ANKRD52: variants seen among roughly 807,000 people sequenced by gnomAD.
ANKRD52 encodes the protein serine/threonine-protein phosphatase 6 regulatory ankyrin repeat subunit C.
Under a neutral mutation model 116.0 loss-of-function variants are expected in ANKRD52, and 7 were observed. The observed-to-expected ratio is 0.06, with a 90% CI of 0.03 to 0.11. ANKRD52 has a LOEUF of 0.11. Ranked by LOEUF, ANKRD52 falls within the 10% of genes least tolerant of loss-of-function variation. The pLI is 1.00. For synonymous variants in ANKRD52, 528 were observed against 578.1 expected, an observed-to-expected ratio of 0.91 and a Z score of 1.24; for missense variants, 839 against 1,408.6, an observed-to-expected ratio of 0.60 and a Z score of 6.47.
At chr12:56,245,248 C>T in intron 21 of ANKRD52, 58 bp from the exon 22 acceptor site, 2 of 1,606,694 alleles carry the variant, frequency 1.2e-6, no homozygotes, top group South Asian at 1.1e-5. Context: ...CCCTGTCTGT[C>T]CTGTGTCTTG....
rs560799598 is a variant in ANKRD52, at chr12:56,252,102, AAGAG to A, written c.1512-11_1512-8del. Reference sequence around the variant, plus strand: ...AGGTGTATGGGGTTCCGCTCTGGGGAAGAGAGAGAGAAAGTTAGGGCCAGGCTCA... The same window carrying A: ...AGGTGTATGGGGTTCCGCTCTGGGGAAGAGAGAAAGTTAGGGCCAGGCTCA... On this transcript the variant is annotated splice_region_variant and splice_polypyrimidine_tract_variant and intron_variant, in intron 14 of 27. Coordinates refer to ENST00000267116, the MANE Select transcript of ANKRD52 (RefSeq NM_173595.4). This position sits in a 1 kb window ranked among gnomAD's most constrained non-coding sequence, Gnocchi z 4.7. 72 of 1,613,294 alleles carry A rather than the reference AAGAG, an allele frequency of 4.5e-5. No homozygotes were observed. In the East Asian group the frequency reaches 1.5e-3, roughly 33 times the overall value.
At position 56,245,139 on chromosome 12, in the gene ANKRD52, A is replaced by G; in HGVS notation, c.2456T>C (p.Leu819Pro). The G allele has an allele frequency of 1.2e-6, 2 of 1,614,018 alleles. No homozygotes were observed. Among genetic ancestry groups the G allele is most frequent in the Non-Finnish European group, 1.7e-6 (2 of 1,179,894 alleles). ...CAAAGGAGTGAAGGGGTTTCCTTCC[A>G]GGTACGAAAACGGGCTGTGTTCAAG... ...LLLEHSPFSY[L>P]EGNPFTPLHC... is the part of the protein sequence containing the mutation. Residue 819 changes from leucine to proline, a missense_variant, in exon 22 of 28, where the codon CTG becomes CCG. Physicochemically the swap from Leu to Pro is moderately conservative, Grantham distance 98. Transcript: ENST00000267116.
Position 56,252,925 on chromosome 12 carries a change from C to G in ANKRD52, c.1184-28G>C. 1 of 1,609,504 alleles carries G rather than the reference C, an allele frequency of 6.2e-7. No homozygotes were observed. Among genetic ancestry groups the G allele is most frequent in the Non-Finnish European group, 8.5e-7 (1 of 1,177,378 alleles). Reference sequence around the variant, plus strand: ...GGAGGCACAGAACAGCCACAGGTCACATCTGAGAGTGTTCAGCAGGGAGGG... The same window carrying G: ...GGAGGCACAGAACAGCCACAGGTCAGATCTGAGAGTGTTCAGCAGGGAGGG... On this transcript the variant is annotated intron_variant, in intron 11 of 27. Coordinates refer to ENST00000267116, the MANE Select transcript of ANKRD52 (RefSeq NM_173595.4). The surrounding 1 kb of genome is among the most constrained non-coding windows in gnomAD (Gnocchi z 4.7).
intron 20 of ANKRD52, among the ~76,000 whole-genome samples, chr12:56,246,973 T>A (rs201246363): frequency 6.8e-4 from 84 of 122,960 alleles, no homozygotes; most frequent in South Asian, 1.8e-3. Context: ...ATAATAATAA[T>A]AAACAAAGCA....
Position 56,243,997 on chromosome 12 carries a change from T to C in ANKRD52, c.2888+54A>G. On this transcript the variant is annotated intron_variant, in intron 26 of 27. Transcript: ENST00000267116. The surrounding 1 kb of genome is among the most constrained non-coding windows in gnomAD (Gnocchi z 4.6). ...GAGAGCCTCTGAACAGCGGCCACTCTTTCATCACCCACTGGCCTCCCCCAG... is the reference window on the plus strand; with the variant it reads ...GAGAGCCTCTGAACAGCGGCCACTCCTTCATCACCCACTGGCCTCCCCCAG... 6.2e-7 allele frequency: 1 copy of C among 1,606,768 alleles called. No homozygotes were observed. Among genetic ancestry groups the C allele is most frequent in the Non-Finnish European group, 8.5e-7 (1 of 1,174,708 alleles).
Position 56,243,761 on chromosome 12 carries a change from C to A in ANKRD52, c.2980+24G>T. The stretch of plus-strand genomic sequence containing the variant: ...TCCCTGACCCCAAACCCAAGAGAGG[C>A]ATGGGGCCCCAGACCCCACCCACCT... On this transcript the variant is annotated intron_variant, in intron 27 of 27. Coordinates refer to ENST00000267116, the MANE Select transcript of ANKRD52 (RefSeq NM_173595.4). The surrounding 1 kb of genome is among the most constrained non-coding windows in gnomAD (Gnocchi z 4.6). The A allele has an allele frequency of 1.3e-6, 2 of 1,550,226 alleles. No homozygotes were observed. Among genetic ancestry groups the A allele is most frequent in the African/African-American group, 1.4e-5 (1 of 73,078 alleles).
In ANKRD52 at chr12:56,248,985, G is replaced by T; in HGVS notation, c.1593-115C>A. On this transcript the variant is annotated intron_variant, in intron 15 of 27. Transcript: ENST00000267116. This position sits in a 1 kb window ranked among gnomAD's most constrained non-coding sequence, Gnocchi z 5.1. ...CTCCAGGCCTACCTGGCCGCCACCC[G>T]TCCTCAGCTCTAGGTAGGTTCTCTA... The T allele has an allele frequency of 3.0e-6, 2 of 662,844 alleles. No homozygotes were observed. The highest frequency in any genetic ancestry group is 2.6e-6 in the Non-Finnish European group (1 of 391,318). 41.1% of individuals were successfully genotyped at this position (662,844 alleles called of 1,614,324 possible).
In ANKRD52 at chr12:56,243,488, G is replaced by A; in HGVS notation, c.2981-96C>T. 6.8e-7 allele frequency: 1 copy of A among 1,477,164 alleles called. No homozygotes were observed. The highest frequency in any genetic ancestry group is 9.1e-7 in the Non-Finnish European group (1 of 1,103,218). The allele number at this position is 1,477,164 out of a possible 1,614,324, so 91.5% of individuals were successfully genotyped here. A position where few individuals can be genotyped will look rare whatever the true frequency, so the allele number is the denominator to read the frequency against. ...TCTCTTCTCTGTGGAGGGAGCCAAG[G>A]CAGGCAGGTACCCAGCAGCGGCAGA... On this transcript the variant is annotated intron_variant, in intron 27 of 27. Transcript: ENST00000267116. This position sits in a 1 kb window ranked among gnomAD's most constrained non-coding sequence, Gnocchi z 4.6.
rs1871011465 is a variant in ANKRD52 at position 56,238,273 on chromosome 12, G to C, written c.*4869C>G. 1.3e-5 allele frequency: 2 copies of C among 153,404 alleles called. No homozygotes were observed. The highest frequency in any genetic ancestry group is 2.9e-5 in the Non-Finnish European group (2 of 68,942). 9.5% of individuals were successfully genotyped at this position (153,404 alleles called of 1,614,324 possible). On this transcript the variant is annotated 3_prime_UTR_variant, in exon 28 of 28. Coordinates refer to ENST00000267116, the MANE Select transcript of ANKRD52 (RefSeq NM_173595.4). Reference sequence around the variant, plus strand: ...GAGTACATGGGTCACAGGGTGGAGGGTGCAACAGGACATGGAACATGCCCC... The same window carrying C: ...GAGTACATGGGTCACAGGGTGGAGGCTGCAACAGGACATGGAACATGCCCC...
chr12:56,253,905 C>A lies in ANKRD52; in HGVS notation c.907-105G>T. On this transcript the variant is annotated intron_variant, in intron 8 of 27. Coordinates refer to ENST00000267116, the MANE Select transcript of ANKRD52 (RefSeq NM_173595.4). This position sits in a 1 kb window ranked among gnomAD's most constrained non-coding sequence, Gnocchi z 5.5. ...GACATATCTCTAAGGACAAAAGGGTCATATGGCACCTTCTTAGCCCACTCT... is the reference window on the plus strand; with the variant it reads ...GACATATCTCTAAGGACAAAAGGGTAATATGGCACCTTCTTAGCCCACTCT... The A allele has an allele frequency of 7.3e-7, 1 of 1,376,230 alleles. No homozygotes were observed. Among genetic ancestry groups the A allele is most frequent in the South Asian group, 1.2e-5 (1 of 81,566 alleles). The allele number at this position is 1,376,230 out of a possible 1,614,324, so 85.3% of individuals were successfully genotyped here.
intron 4 of ANKRD52, among the ~76,000 whole-genome samples, chr12:56,256,805 T>C (rs1433973949): frequency 1.3e-5 from 2 of 152,154 alleles, no homozygotes; most frequent in East Asian, 3.9e-4. Flanking sequence ...CAGCCCAGTG[T>C]TAAGCTCTTC....
rs1411955178 is a variant in ANKRD52, at chr12:56,237,924, G to A, written c.*5218C>T. On this transcript the variant is annotated 3_prime_UTR_variant, in exon 28 of 28. Transcript: ENST00000267116. Reference sequence around the variant, plus strand: ...GTGGTGGGAGGACCCGAAGCCGGTTGGGGGAGGATGTGAGTAGGGGCCTGG... The same window carrying A: ...GTGGTGGGAGGACCCGAAGCCGGTTAGGGGAGGATGTGAGTAGGGGCCTGG... 3.1e-6 allele frequency: 2 copies of A among 651,518 alleles called. No homozygotes were observed. Among genetic ancestry groups the A allele is most frequent in the Non-Finnish European group, 2.4e-6 (1 of 411,654 alleles). The allele number at this position is 651,518 out of a possible 1,614,324, so 40.4% of individuals were successfully genotyped here.
At position 56,243,838 on chromosome 12, in the gene ANKRD52, A is replaced by G; in HGVS notation, c.2927T>C (p.Val976Ala). The G allele has an allele frequency of 1.3e-6, 2 of 1,567,130 alleles. No homozygotes were observed. Among genetic ancestry groups the G allele is most frequent in the Non-Finnish European group, 1.7e-6 (2 of 1,155,658 alleles). Reference sequence around the variant, plus strand: ...CCCATGACTCAGCAGGGCCTGTACCACAGAAGCTAGACCATTCCGGGCAGC... The same window carrying G: ...CCCATGACTCAGCAGGGCCTGTACCGCAGAAGCTAGACCATTCCGGGCAGC... ...HIAARNGLAS[V>A]VQALLSHGAT... Residue 976 changes from valine (V) to alanine (A), a missense_variant, in exon 27 of 28, where the codon GTG becomes GCG. Around this residue, in one of 2 missense-constraint regions of ANKRD52, gnomAD observed 552 missense variants for 810.6 expected, o/e 0.68. Coordinates refer to ENST00000267116, the MANE Select transcript of ANKRD52 (RefSeq NM_173595.4). This position sits in a 1 kb window ranked among gnomAD's most constrained non-coding sequence, Gnocchi z 4.6.
intron 4 of ANKRD52, 111 bp from the exon 5 acceptor site, chr12:56,256,095 A>C: frequency 9.2e-7 from 1 of 1,090,552 alleles, no homozygotes; most frequent in Admixed American, 2.4e-5. Flanking sequence ...CCAGCACAGA[A>C]TCTCTTCTCA....
Position 56,257,861 on chromosome 12 carries a change from G to A in ANKRD52, c.78C>T (p.Ser26=). The A allele has an allele frequency of 1.2e-6, 2 of 1,613,756 alleles. No homozygotes were observed. Among genetic ancestry groups the A allele is most frequent in the Non-Finnish European group, 1.7e-6 (2 of 1,179,838 alleles). ...IFSRDVEEVR[S]LLSQKENINV... ...TGATGTTCTCCTTCTGCGAGAGTAGGGAACGCACTTCCTCCACATCTCGGC... is the reference window on the plus strand; with the variant it reads ...TGATGTTCTCCTTCTGCGAGAGTAGAGAACGCACTTCCTCCACATCTCGGC... The change falls in exon 2 of 28, where the codon TCC becomes TCT. Residue 26 remains serine (S), a synonymous_variant. Coordinates refer to ENST00000267116, the MANE Select transcript of ANKRD52 (RefSeq NM_173595.4).
At position 56,243,650 on chromosome 12, in the gene ANKRD52, C is replaced by A; in HGVS notation, c.2980+135G>T. The A allele has an allele frequency of 9.6e-7, 1 of 1,037,386 alleles. No homozygotes were observed. Among genetic ancestry groups the A allele is most frequent in the Non-Finnish European group, 1.4e-6 (1 of 715,284 alleles). The allele number at this position is 1,037,386 out of a possible 1,614,324, so 64.3% of individuals were successfully genotyped here. ...GGCTCCCCTCTGAGACTCCAGAGTA[C>A]TGGTGTGGGCTCCCTGCTCTGAAGA... On this transcript the variant is annotated intron_variant, in intron 27 of 27. Coordinates refer to ENST00000267116, the MANE Select transcript of ANKRD52 (RefSeq NM_173595.4). This position sits in a 1 kb window ranked among gnomAD's most constrained non-coding sequence, Gnocchi z 4.6.
At position 56,253,857 on chromosome 12, in the gene ANKRD52, G is replaced by C; in HGVS notation, c.907-57C>G. 6.4e-7 allele frequency: 1 copy of C among 1,553,118 alleles called. No individual in the cohort carries two copies. The highest frequency in any genetic ancestry group is 1.1e-5 in the South Asian group (1 of 89,516). ...TTTTTTTTCCAGTGCAAAGCACAGA[G>C]AATGCCCTACCTCCCTTCCAAGGAC... On this transcript the variant is annotated intron_variant, in intron 8 of 27. Transcript: ENST00000267116. This position sits in a 1 kb window ranked among gnomAD's most constrained non-coding sequence, Gnocchi z 5.5.
At chr12:56,246,237 C>T (rs1472880316) in intron 20 of ANKRD52, among the ~76,000 whole-genome samples, 1 of 151,872 alleles carries the variant, frequency 6.6e-6, no homozygotes, top group South Asian at 2.1e-4. Context: ...ACCATGTTGG[C>T]CAGGCTGGTC....
At chr12:56,257,392 G>C (rs1029513032) in intron 2 of ANKRD52, 31 bp from the exon 3 acceptor site, 2 of 1,549,146 alleles carry the variant, frequency 1.3e-6, no homozygotes, top group Admixed American at 1.9e-5. Context: ...AGGGAGTATG[G>C]GCGCGGGGTA....
Sources: allele counts gnomAD v4.1 joint callset (sites outside exome capture counted in the v4.1 genomes callset), GRCh38; gene constraint gnomAD v4.1.1; regional missense constraint gnomAD v4.1.1; non-coding constraint Gnocchi (gnomAD v3.1); transcripts MANE v1.5; gene names NCBI Gene and HGNC (gene_info 2026-07-23, HGNC 2026-07-21).